TTLL11: variants seen among roughly 807,000 people sequenced by gnomAD.
TTLL11 encodes the protein tubulin tyrosine ligase like 11.
A neutral mutation model predicts 51.7 loss-of-function variants in TTLL11; 42 were observed. The ratio of observed to expected loss-of-function variants is 0.81; its 90% CI spans 0.64 to 1.05. TTLL11 has a LOEUF of 1.05. TTLL11 is among the 50% of genes least tolerant of loss of function. The probability of loss-of-function intolerance (pLI) is 0.00; values close to 1 mark genes in which losing one functional copy is unlikely to be tolerated. For synonymous variants in TTLL11, 381 were observed against 383.5 expected (o/e 0.99, Z 0.08); for missense variants, 799 against 940.4 (o/e 0.85, Z 1.97).
chr9:121,832,749 G>C (rs1224792893), intron 8 of TTLL11, among the ~76,000 whole-genome samples: 1 of 152,166 alleles, frequency 6.6e-6, no homozygotes, highest in African/African-American at 2.4e-5. Context: ...AGACCAGCCT[G>C]ACCAACACGG....
intron 6 of TTLL11, among the ~76,000 whole-genome samples, chr9:121,927,971 T>A (rs1029278970): frequency 6.6e-6 from 1 of 152,190 alleles, no homozygotes; most frequent in Non-Finnish European, 1.5e-5. Flanking sequence ...GAAGTCAGCA[T>A]AGGAGCTTGT....
chr9:121,894,722 G>A (rs761309237), intron 6 of TTLL11, among the ~76,000 whole-genome samples: 1 of 152,102 alleles, frequency 6.6e-6, no homozygotes, highest in Non-Finnish European at 1.5e-5. Context: ...ACACAAGGAG[G>A]GGAACATCAC....
In TTLL11 at chr9:121,973,966, G is replaced by A. The variant is rs1842637733; in HGVS notation, c.1481+43C>T. ...TGCTTAGGATACGAAGCCGGGTTAG[G>A]AGGCAGAGTTGATAGAAATGAATGA... On this transcript the variant is annotated intron_variant, in intron 6 of 8. Coordinates refer to ENST00000321582, the MANE Select transcript of TTLL11 (RefSeq NM_001139442.2). 2.7e-6 allele frequency: 4 copies of A among 1,462,072 alleles called. No homozygotes were observed. The East Asian group carries it at 1.0e-4, about 37-fold the overall frequency. The allele number at this position is 1,462,072 out of a possible 1,614,324, so 90.6% of individuals were successfully genotyped here.
chr9:121,994,715 C>G (rs1843205362), intron 3 of TTLL11, among the ~76,000 whole-genome samples: 1 of 152,106 alleles, frequency 6.6e-6, no homozygotes, highest in South Asian at 2.1e-4. Context: ...GAGCAATGTC[C>G]TAAAATGATG....
intron 6 of TTLL11, among the ~76,000 whole-genome samples, chr9:121,873,492 A>T (rs1423724964): frequency 1.4e-5 from 2 of 139,332 alleles, no homozygotes; most frequent in African/African-American, 5.5e-5. Flanking sequence ...TTATATTTTT[A>T]GTAGAGACAG....
chr9:121,968,795 G>C (rs1393769813), intron 6 of TTLL11, among the ~76,000 whole-genome samples: 1 of 150,988 alleles, frequency 6.6e-6, no homozygotes, highest in East Asian at 2.0e-4. Context: ...TCCTGACCTT[G>C]TGATCTGCTG....
chr9:121,862,930 C>T (rs1838058633), intron 7 of TTLL11, among the ~76,000 whole-genome samples: 1 of 152,176 alleles, frequency 6.6e-6, no homozygotes, highest in South Asian at 2.1e-4. Context: ...AGAGGCCCCT[C>T]TCCAAACCCA....
chr9:122,045,197 T>TA lies in TTLL11; in HGVS notation c.463-5830dup, dbSNP rs201306679. On this transcript the variant is annotated intron_variant, in intron 1 of 8. Coordinates refer to ENST00000321582, the MANE Select transcript of TTLL11 (RefSeq NM_001139442.2). ...TAAGAATATAGAAAGCTGCTGTAGT[T>TA]AAAAAAAAAAATCACTGGCTGATTG... Among the ~76,000 whole-genome samples the TA allele has an allele frequency of 9.1e-4, 135 of 147,890 alleles. 2 individuals carry two copies. Among genetic ancestry groups the TA allele is most frequent in the Admixed American group, 2.0e-3 (29 of 14,796 alleles).
chr9:122,051,518 G>C (rs1201952731), intron 1 of TTLL11, among the ~76,000 whole-genome samples: 1 of 152,114 alleles, frequency 6.6e-6, no homozygotes, highest in East Asian at 1.9e-4. Context: ...TTGTGATACT[G>C]CCTGCTTGTT....
chr9:121,850,196 A>G (rs1482802007), intron 8 of TTLL11, among the ~76,000 whole-genome samples: 1 of 152,226 alleles, frequency 6.6e-6, no homozygotes, highest in African/African-American at 2.4e-5. Context: ...ATGTAGATAG[A>G]TACAGAGATA....
At chr9:121,858,715 G>A (rs770910586) in intron 8 of TTLL11, among the ~76,000 whole-genome samples, 1 of 152,198 alleles carries the variant, frequency 6.6e-6, no homozygotes, top group East Asian at 1.9e-4. Flanking sequence ...AAACTGCCTC[G>A]CACCATCAGC....
At chr9:121,921,389 C>T (rs1214236199) in intron 6 of TTLL11, among the ~76,000 whole-genome samples, 1 of 152,058 alleles carries the variant, frequency 6.6e-6, no homozygotes, top group African/African-American at 2.4e-5. Context: ...GGGGGGTGAA[C>T]AGAGCTTCAA....
chr9:122,038,542 G>A (rs1482782729), intron 2 of TTLL11, among the ~76,000 whole-genome samples: 3 of 152,104 alleles, frequency 2.0e-5, no homozygotes, highest in East Asian at 1.9e-4. Flanking sequence ...CCAGCTACTC[G>A]GAAGGCTGAG....
chr9:121,874,972 T>G (rs181302363), intron 6 of TTLL11, among the ~76,000 whole-genome samples: 18 of 152,260 alleles, frequency 1.2e-4, no homozygotes, highest in African/African-American at 4.1e-4. Context: ...TTTCACCTTG[T>G]TAGCCAGGAA....
Position 121,931,375 on chromosome 9 carries a change from G to T in TTLL11, c.1481+42634C>A, listed in dbSNP as rs946914916. On this transcript the variant is annotated intron_variant, in intron 6 of 8. Transcript: ENST00000321582. The stretch of plus-strand genomic sequence containing the variant: ...TAGCTGCGCAGTGACTAGACTTCTT[G>T]TTGGAGCAGAAGTAATATGTTCTCC... 2.0e-5 allele frequency among the ~76,000 whole-genome samples: 3 copies of T among 152,190 alleles called. No homozygotes were observed. The South Asian group carries it at 6.2e-4, about 31-fold the overall frequency.
At chr9:122,034,919 C>T (rs1467572178) in intron 2 of TTLL11, among the ~76,000 whole-genome samples, 1 of 152,164 alleles carries the variant, frequency 6.6e-6, no homozygotes, top group African/African-American at 2.4e-5. Context: ...GAACTGAGAT[C>T]GAAGCTCTAG....
At chr9:121,932,098 T>C (rs1362962036) in intron 6 of TTLL11, among the ~76,000 whole-genome samples, 3 of 152,144 alleles carry the variant, frequency 2.0e-5, no homozygotes, top group Non-Finnish European at 4.4e-5. Context: ...ATGTCCTACA[T>C]AGCAAGCTTT....
chr9:121,819,940 T>G lies in TTLL11; in HGVS notation c.*2647A>C, dbSNP rs1381429690. On this transcript the variant is annotated 3_prime_UTR_variant, in exon 9 of 9. Coordinates refer to ENST00000321582, the MANE Select transcript of TTLL11 (RefSeq NM_001139442.2). ...AGCCTCGAAATGCTTTCAGTTAAACTGAAAAGGGCCAATCTGTCAGGACTG... is the reference window on the plus strand; with the variant it reads ...AGCCTCGAAATGCTTTCAGTTAAACGGAAAAGGGCCAATCTGTCAGGACTG... Among the ~76,000 whole-genome samples the G allele has an allele frequency of 6.6e-6, 1 of 152,200 alleles. No individual in the cohort carries two copies.
chr9:122,039,861 A>ATC lies in TTLL11; in HGVS notation c.463-495_463-494dup, dbSNP rs145587739. Among the ~76,000 whole-genome samples, 683 of 147,714 alleles carry ATC rather than the reference A, an allele frequency of 4.6e-3. 10 individuals carry two copies. Among genetic ancestry groups the ATC allele is most frequent in the South Asian group, 6.3e-3 (29 of 4,568 alleles). The stretch of plus-strand genomic sequence containing the variant: ...AAGCTTTCAGAGTCCCTCTTCCCTT[A>ATC]TCTCTCTCTCTCTCTCTCTCTCTCT... On this transcript the variant is annotated intron_variant, in intron 1 of 8. Transcript: ENST00000321582.
Sources: allele counts gnomAD v4.1 joint callset (sites outside exome capture counted in the v4.1 genomes callset), GRCh38; gene constraint gnomAD v4.1.1; transcripts MANE v1.5; gene names NCBI Gene and HGNC (gene_info 2026-07-23, HGNC 2026-07-21).